Variants in ATP5F1D observed in about 807,000 individuals in gnomAD.
ATP5F1D encodes ATP synthase F1 subunit delta.
Under a neutral mutation model 13.0 loss-of-function variants are expected in ATP5F1D, and 16 were observed. That is an observed-to-expected ratio of 1.23 (90% CI 0.83 to 1.87). The LOEUF (loss-of-function observed/expected upper bound fraction) is 1.87. Among genes scored for constraint, ATP5F1D ranks in the 40% most tolerant of loss-of-function variants. The pLI is 0.00. For synonymous variants in ATP5F1D, 129 were observed against 116.2 expected, an observed-to-expected ratio of 1.11 and a Z score of -0.71; for missense variants, 294 against 246.2, an observed-to-expected ratio of 1.19 and a Z score of -1.30.
chr19:1,244,270 G>T (rs780021515), intron 3 of ATP5F1D, 45 bp from the exon 4 acceptor site: 2 of 1,579,886 alleles, frequency 1.3e-6, no homozygotes, highest in South Asian at 2.3e-5. Context: ...CAGGAGCCGG[G>T]CTGGGGTCGC....
chr19:1,243,960 G>C, intron 2 of ATP5F1D, 137 bp from the exon 3 acceptor site: 1 of 892,304 alleles, frequency 1.1e-6, no homozygotes, highest in Non-Finnish European at 1.7e-6. Context: ...CTGTGGGTCT[G>C]TTTGCACACT....
chr19:1,242,387 A>G (rs1217685389), intron 1 of ATP5F1D, 69 bp from the exon 2 acceptor site: 1 of 1,436,076 alleles, frequency 7.0e-7, no homozygotes, highest in African/African-American at 1.4e-5. Flanking sequence ...ACTTAGCAGG[A>G]CAGGCCGAGT....
Position 1,242,455 on chromosome 19 carries a change from G to T in ATP5F1D, c.142-1G>T. The T allele has an allele frequency of 6.6e-7, 1 of 1,521,920 alleles. No homozygotes were observed. The highest frequency in any genetic ancestry group is 1.4e-5 in the African/African-American group (1 of 72,742). 94.3% of individuals were successfully genotyped at this position (1,521,920 alleles called of 1,614,324 possible). A position where few individuals can be genotyped will look rare whatever the true frequency, so the allele number is the denominator to read the frequency against. On this transcript the variant is annotated splice_acceptor_variant, in intron 1 of 3. Transcript: ENST00000215375. LOFTEE classifies it high-confidence loss of function. Reference sequence around the variant, plus strand: ...ATCATTCCCCACGCTGTTGTCTGCAGGTGTTCTTCAACGGTGCCAACGTCC... The same window carrying T: ...ATCATTCCCCACGCTGTTGTCTGCATGTGTTCTTCAACGGTGCCAACGTCC...
At chr19:1,243,473 T>G (rs2081047574) in intron 2 of ATP5F1D, 1 of 152,542 alleles carries the variant, frequency 6.6e-6, no homozygotes, top group Non-Finnish European at 1.5e-5. Flanking sequence ...GAGACCAGCC[T>G]GGGCAACATA....
At position 1,241,861 on chromosome 19, in the gene ATP5F1D, C is replaced by G; in HGVS notation, c.11C>G (p.Ala4Gly). The change falls in exon 1 of 4, where the codon GCC becomes GGC. Residue 4 changes from alanine (A) to glycine (G), a missense_variant. Coordinates refer to ENST00000215375, the MANE Select transcript of ATP5F1D (RefSeq NM_001687.5). MLP[A>G]ALLRRPGLGR... ...CCGCCCGCCGCTGCCATGCTGCCCG[C>G]CGCGCTGCTCCGCCGCCCGGGACTT... The G allele has an allele frequency of 5.1e-6, 7 of 1,377,240 alleles. No individual in the cohort carries two copies. The highest frequency in any genetic ancestry group is 6.6e-6 in the Non-Finnish European group (7 of 1,067,804). 85.3% of individuals were successfully genotyped at this position (1,377,240 alleles called of 1,614,324 possible). A position where few individuals can be genotyped will look rare whatever the true frequency, so the allele number is the denominator to read the frequency against.
At position 1,241,935 on chromosome 19, in the gene ATP5F1D, CCGG is replaced by C; in HGVS notation, c.87_89del (p.Ala32del). On this transcript the variant is annotated inframe_deletion, in exon 1 of 4. Coordinates refer to ENST00000215375, the MANE Select transcript of ATP5F1D (RefSeq NM_001687.5). ...TGCCTATGCCGAGGCCGCCGCCGCCCCGGCTGCCGCCTCTGGCCCCAACCAGAT... is the reference window on the plus strand; with the variant it reads ...TGCCTATGCCGAGGCCGCCGCCGCCCCTGCCGCCTCTGGCCCCAACCAGAT... The C allele has an allele frequency of 6.7e-7, 1 of 1,497,488 alleles. No homozygotes were observed. The highest frequency in any genetic ancestry group is 8.9e-7 in the Non-Finnish European group (1 of 1,126,034). 92.8% of individuals were successfully genotyped at this position (1,497,488 alleles called of 1,614,324 possible).
intron 2 of ATP5F1D, 84 bp downstream of exon 2, chr19:1,242,693 G>GA (rs776135097): frequency 1.2e-4 from 166 of 1,377,944 alleles, no homozygotes; most frequent in Non-Finnish European, 1.5e-4. Context: ...GAGGCTGCGA[G>GA]AAAAAATAGT....
At chr19:1,242,143 G>C in intron 1 of ATP5F1D, 152 bp downstream of exon 1, 1 of 1,058,400 alleles carries the variant, frequency 9.4e-7, no homozygotes, top group Non-Finnish European at 1.2e-6. Context: ...CCCTGCCTCT[G>C]CTGCCCGAGC....
At position 1,244,105 on chromosome 19, in the gene ATP5F1D, G is replaced by A. The variant is rs11546884; in HGVS notation, c.304G>A (p.Gly102Ser). 1.2e-5 allele frequency: 20 copies of A among 1,610,316 alleles called. No homozygotes were observed. The highest frequency in any genetic ancestry group is 4.2e-6 in the Non-Finnish European group (5 of 1,178,532). ...GTTSKYFVSS[G>S]SIAVNADSSV... is the part of the protein sequence containing the mutation. The stretch of plus-strand genomic sequence containing the variant: ...CCGCCCCATTCCCCCAGTGAGCAGC[G>A]GTTCCATCGCAGTGAACGCCGACTC... Residue 102 changes from glycine to serine, a missense_variant, in exon 3 of 4, where the codon GGT becomes AGT. Gly to Ser is a moderately conservative substitution (Grantham distance 56). Transcript: ENST00000215375.
chr19:1,241,905 G>T lies in ATP5F1D; in HGVS notation c.55G>T (p.Ala19Ser). The T allele has an allele frequency of 6.7e-7, 1 of 1,481,598 alleles. No individual in the cohort carries two copies. The highest frequency in any genetic ancestry group is 1.3e-5 in the South Asian group (1 of 76,402). 91.8% of individuals were successfully genotyped at this position (1,481,598 alleles called of 1,614,324 possible). Reference protein sequence around the residue: ...RPGLGRLVRHARAYAEAAAAP... With the variant: ...RPGLGRLVRHSRAYAEAAAAP... Reference sequence around the variant, plus strand: ...GGGACTTGGCCGCCTCGTCCGCCACGCCCGTGCCTATGCCGAGGCCGCCGC... The same window carrying T: ...GGGACTTGGCCGCCTCGTCCGCCACTCCCGTGCCTATGCCGAGGCCGCCGC... Residue 19 changes from alanine (A) to serine (S), a missense_variant, in exon 1 of 4, where the codon GCC becomes TCC. Ala to Ser is a moderately conservative substitution (Grantham distance 99, BLOSUM62 1). Coordinates refer to ENST00000215375, the MANE Select transcript of ATP5F1D (RefSeq NM_001687.5).
chr19:1,244,267 C>T (rs750251528), intron 3 of ATP5F1D, 48 bp from the exon 4 acceptor site: 17 of 1,579,798 alleles, frequency 1.1e-5, no homozygotes, highest in East Asian at 4.6e-5. Context: ...GACCAGGAGC[C>T]GGGCTGGGGT....
chr19:1,242,186 A>C (rs1056531404), intron 1 of ATP5F1D, 195 bp downstream of exon 1: 1 of 848,548 alleles, frequency 1.2e-6, no homozygotes, highest in Non-Finnish European at 1.6e-6. Context: ...CACCTCCCCG[A>C]GATAAGCGTC....
chr19:1,241,998 G>C lies in ATP5F1D; in HGVS notation c.141+7G>C. 7.0e-7 allele frequency: 1 copy of C among 1,435,302 alleles called. No individual in the cohort carries two copies. The highest frequency in any genetic ancestry group is 9.2e-7 in the Non-Finnish European group (1 of 1,092,574). The allele number at this position is 1,435,302 out of a possible 1,614,324, so 88.9% of individuals were successfully genotyped here. ...CTTCGCCTCTCCCACGCAGGTTCGGGCGCTGCGGGTCGGGACCCTCCGTGG... is the reference window on the plus strand; with the variant it reads ...CTTCGCCTCTCCCACGCAGGTTCGGCCGCTGCGGGTCGGGACCCTCCGTGG... On this transcript the variant is annotated splice_region_variant and intron_variant, in intron 1 of 3. Transcript: ENST00000215375.
chr19:1,242,531 C>T lies in ATP5F1D; in HGVS notation c.217C>T (p.His73Tyr). 1 of 1,548,526 alleles carries T rather than the reference C, an allele frequency of 6.5e-7. No homozygotes were observed. Among genetic ancestry groups the T allele is most frequent in the Non-Finnish European group, 8.7e-7 (1 of 1,146,126 alleles). ...CGGAGCCTTCGGCATCCTGGCGGCC[C>T]ACGTGCCCACGCTGCAGGTCCTGCG... ...LTGAFGILAA[H>Y]VPTLQVLRPG... The change falls in exon 2 of 4, where the codon CAC (histidine) becomes TAC (tyrosine). Residue 73 changes from histidine (H) to tyrosine (Y), a missense_variant. Transcript: ENST00000215375.
At chr19:1,243,991 T>C (rs2081049865) in intron 2 of ATP5F1D, 106 bp from the exon 3 acceptor site, 1 of 1,147,802 alleles carries the variant, frequency 8.7e-7, no homozygotes, top group African/African-American at 1.5e-5. Context: ...ACTTGGATGT[T>C]TGTGGAGCTC....
At chr19:1,242,842 A>C in intron 2 of ATP5F1D, 2 of 363,834 alleles carry the variant, frequency 5.5e-6, no homozygotes, top group Non-Finnish European at 9.2e-6. Flanking sequence ...AATACAGAAA[A>C]CTGGCCGGGT....
chr19:1,242,091 G>A, intron 1 of ATP5F1D, 100 bp downstream of exon 1: 3 of 1,246,430 alleles, frequency 2.4e-6, no homozygotes, highest in Non-Finnish European at 3.0e-6. Context: ...CCCCGGACCC[G>A]CGCGCCCCGG....
chr19:1,243,610 C>G (rs2145473297), intron 2 of ATP5F1D, among the ~76,000 whole-genome samples: 1 of 152,192 alleles, frequency 6.6e-6, no homozygotes, highest in South Asian at 2.1e-4. Context: ...GAGCCAAGAT[C>G]ATGCCACTGC....
intron 1 of ATP5F1D, 63 bp from the exon 2 acceptor site, chr19:1,242,393 C>G (rs938021521): frequency 7.1e-5 from 102 of 1,441,980 alleles, no homozygotes; most frequent in Non-Finnish European, 8.9e-5. Flanking sequence ...CAGGACAGGC[C>G]GAGTGCCCGG....
Sources: allele counts gnomAD v4.1 joint callset (sites outside exome capture counted in the v4.1 genomes callset), GRCh38; gene constraint gnomAD v4.1.1; transcripts MANE v1.5; gene names NCBI Gene and HGNC (gene_info 2026-07-23, HGNC 2026-07-21).